Variants in RAB20 observed in about 807,000 individuals in gnomAD.
RAB20 encodes RAB20, member RAS oncogene family.
Under a neutral mutation model 3.7 loss-of-function variants are expected in RAB20, and 2 were observed. The ratio of observed to expected loss-of-function variants is 0.54; its 90% confidence interval spans 0.22 to 1.69. The LOEUF is 1.69. RAB20 is among the 40% of genes most tolerant of loss of function. The pLI, the probability that RAB20 is intolerant of heterozygous loss-of-function variation, is 0.19. For missense variants in RAB20, 276 were observed against 311.9 expected (o/e 0.88, Z 0.87); for synonymous variants, 126 against 130.8 (o/e 0.96, Z 0.25).
chr13:110,528,405 C>A lies in RAB20; in HGVS notation c.173-4208G>T, dbSNP rs1249582362. Among the ~76,000 whole-genome samples, 18 of 129,446 alleles carry A rather than the reference C, an allele frequency of 1.4e-4. No individual in the cohort carries two copies. The East Asian group carries it at 3.6e-3, about 26-fold the overall frequency. 84.9% of individuals were successfully genotyped at this position (129,446 alleles called of 152,430 possible). ...CACTCCAGCCTGGGCAAGAGTGAAA[C>A]TCCATCTCAAAAAAAAAAAAAACAA... On this transcript the variant is annotated intron_variant, in intron 1 of 1. Coordinates refer to ENST00000267328, the MANE Select transcript of RAB20 (RefSeq NM_017817.3).
intron 1 of RAB20, among the ~76,000 whole-genome samples, chr13:110,546,204 C>G (rs1390650192): frequency 1.3e-5 from 2 of 152,184 alleles, no homozygotes; most frequent in Admixed American, 6.5e-5. Flanking sequence ...AGTCGAGAAC[C>G]ATGCTGGGCT....
intron 1 of RAB20, among the ~76,000 whole-genome samples, chr13:110,542,170 A>G (rs1349120243): frequency 6.6e-6 from 1 of 152,164 alleles, no homozygotes; most frequent in Admixed American, 6.5e-5. Flanking sequence ...CGCTTGCTGT[A>G]TTTTATTCTC....
rs1234732227 is a variant in RAB20, at chr13:110,561,707, G to T, written c.-188C>A. The T allele has an allele frequency of 9.1e-7, 1 of 1,097,110 alleles. No homozygotes were observed. Among genetic ancestry groups the T allele is most frequent in the Non-Finnish European group, 1.2e-6 (1 of 836,752 alleles). The allele number at this position is 1,097,110 out of a possible 1,614,324, so 68.0% of individuals were successfully genotyped here. Reference sequence around the variant, plus strand: ...GAAGCGCGTGTGCGCGCCCGGGAAGGAGCTGGGTGCAGAGCACGGAGCCCA... The same window carrying T: ...GAAGCGCGTGTGCGCGCCCGGGAAGTAGCTGGGTGCAGAGCACGGAGCCCA... On this transcript the variant is annotated 5_prime_UTR_variant, in exon 1 of 2. Transcript: ENST00000267328.
At chr13:110,538,727 TC>T (rs1285052754) in intron 1 of RAB20, among the ~76,000 whole-genome samples, 4 of 151,556 alleles carry the variant, frequency 2.6e-5, no homozygotes, top group Non-Finnish European at 5.9e-5. Flanking sequence ...GAAAACCAGC[TC>T]CCTGGGGACG....
At chr13:110,557,315 G>C (rs779757152) in intron 1 of RAB20, among the ~76,000 whole-genome samples, 7 of 152,180 alleles carry the variant, frequency 4.6e-5, no homozygotes, top group Non-Finnish European at 1.0e-4. Context: ...GATTTTTCTT[G>C]CTGTTTATAT....
chr13:110,551,041 G>A (rs1308631714), intron 1 of RAB20, among the ~76,000 whole-genome samples: 1 of 152,160 alleles, frequency 6.6e-6, no homozygotes, highest in Non-Finnish European at 1.5e-5. Flanking sequence ...CTAAGAAAAT[G>A]AAACTGCTAA....
intron 1 of RAB20, among the ~76,000 whole-genome samples, chr13:110,543,712 T>C (rs978462334): frequency 1.3e-5 from 2 of 152,126 alleles, no homozygotes; most frequent in Non-Finnish European, 2.9e-5. Context: ...TTTTTTCTTA[T>C]GTTTTCTTCT....
chr13:110,535,416 GA>G (rs1308576592), intron 1 of RAB20, among the ~76,000 whole-genome samples: 1 of 152,236 alleles, frequency 6.6e-6, no homozygotes, highest in Non-Finnish European at 1.5e-5. Flanking sequence ...TGAAGTTACA[GA>G]AACGAATAAA....
intron 1 of RAB20, among the ~76,000 whole-genome samples, chr13:110,557,811 G>A (rs538980609): frequency 1.3e-5 from 2 of 152,228 alleles, no homozygotes; most frequent in South Asian, 2.1e-4. Context: ...CCCGCCTCCC[G>A]GCCGCCAGGC....
At chr13:110,561,321 G>T in intron 1 of RAB20, 27 bp downstream of exon 1, 1 of 1,567,584 alleles carries the variant, frequency 6.4e-7, no homozygotes, top group African/African-American at 1.4e-5. Context: ...CCCCAGGGCG[G>T]TGTGGCTCAT....
intron 1 of RAB20, among the ~76,000 whole-genome samples, chr13:110,546,710 G>T (rs60979273): frequency 0.3 from 41,779 of 140,634 alleles, 6,378 homozygotes; most frequent in South Asian, 0.37. Flanking sequence ...GTTTTTTTTT[G>T]TTTTTTGGGT....
chr13:110,550,394 C>A (rs1594137837), intron 1 of RAB20, among the ~76,000 whole-genome samples: 1 of 152,198 alleles, frequency 6.6e-6, no homozygotes, highest in Non-Finnish European at 1.5e-5. Flanking sequence ...TCGTGGGAAC[C>A]CCCACCTGAA....
intron 1 of RAB20, among the ~76,000 whole-genome samples, chr13:110,525,489 C>A (rs1440370795): frequency 6.6e-6 from 1 of 152,240 alleles, no homozygotes; most frequent in Non-Finnish European, 1.5e-5. Context: ...AGGGGGCCCG[C>A]TCACCTCCCC....
chr13:110,560,229 T>C (rs1448881910), intron 1 of RAB20, among the ~76,000 whole-genome samples: 1 of 152,194 alleles, frequency 6.6e-6, no homozygotes, highest in Non-Finnish European at 1.5e-5. Context: ...TGCACCTCTT[T>C]ACCTGGGGGA....
At chr13:110,535,081 G>A (rs965319081) in intron 1 of RAB20, among the ~76,000 whole-genome samples, 3 of 152,138 alleles carry the variant, frequency 2.0e-5, no homozygotes, top group African/African-American at 4.8e-5. Flanking sequence ...TGATCCCCCC[G>A]CTTTGCCCTT....
In RAB20 at chr13:110,523,229, C is replaced by T. The variant is rs1884360465; in HGVS notation, c.*436G>A. On this transcript the variant is annotated 3_prime_UTR_variant, in exon 2 of 2. Transcript: ENST00000267328. ...AAGTGGGAGGACCAAAGACAACTCA[C>T]AGTGAAGAGAAACGCTTGAGAACAA... is the stretch of plus-strand genomic sequence containing the variant. 1 of 409,386 alleles carries T rather than the reference C, an allele frequency of 2.4e-6. No homozygotes were observed. The highest frequency in any genetic ancestry group is 3.5e-5 in the East Asian group (1 of 28,774). 25.4% of individuals were successfully genotyped at this position (409,386 alleles called of 1,614,324 possible).
At chr13:110,541,211 C>T (rs9521825) in intron 1 of RAB20, among the ~76,000 whole-genome samples, 35,799 of 152,112 alleles carry the variant, frequency 0.24, 4,591 homozygotes, top group East Asian at 0.36. Flanking sequence ...ACGGTCACGG[C>T]GCAGCAACAG....
intron 1 of RAB20, among the ~76,000 whole-genome samples, chr13:110,532,782 G>A (rs1390236655): frequency 1.3e-5 from 2 of 152,154 alleles, no homozygotes; most frequent in South Asian, 2.1e-4. Flanking sequence ...GGGCTTAAGT[G>A]TTCCTCCCAA....
At chr13:110,544,276 A>T (rs1283871860) in intron 1 of RAB20, among the ~76,000 whole-genome samples, 1 of 152,180 alleles carries the variant, frequency 6.6e-6, no homozygotes, top group Non-Finnish European at 1.5e-5. Flanking sequence ...TGCTGAGGTC[A>T]TGCTGTTTTG....
Sources: allele counts gnomAD v4.1 joint callset (sites outside exome capture counted in the v4.1 genomes callset), GRCh38; gene constraint gnomAD v4.1.1; transcripts MANE v1.5; gene names NCBI Gene and HGNC (gene_info 2026-07-23, HGNC 2026-07-21).